Variants in FLYWCH1 observed in about 807,000 individuals in gnomAD.
FLYWCH1 encodes the protein FLYWCH-type zinc finger-containing protein 1.
Under a neutral mutation model 66.4 loss-of-function variants are expected in FLYWCH1, and 75 were observed. The observed-to-expected ratio is 1.13, with a 90% CI of 0.94 to 1.37. The LOEUF (loss-of-function observed/expected upper bound fraction) is 1.37. Ranked by LOEUF, FLYWCH1 falls within the 40% of genes most tolerant of loss-of-function variation. The pLI is 0.00. For missense variants in FLYWCH1, 1,334 were observed against 1,001.8 expected (o/e 1.33, Z -4.48); for synonymous variants, 595 against 429.9 (o/e 1.38, Z -4.75).
At chr16:2,945,772 C>T (rs1049394654) in intron 9 of FLYWCH1, among the ~76,000 whole-genome samples, 9 of 152,018 alleles carry the variant, frequency 5.9e-5, no homozygotes, top group East Asian at 3.9e-4. Flanking sequence ...CCAAGGTGGG[C>T]AGATCATGAG....
intron 5 of FLYWCH1, 59 bp downstream of exon 5, chr16:2,933,641 C>T: frequency 1.3e-6 from 2 of 1,562,522 alleles, no homozygotes; most frequent in East Asian, 2.3e-5. Flanking sequence ...TCCAGAGGTC[C>T]AGGGAGGGAA....
chr16:2,912,855 TA>T, intron 1 of FLYWCH1, among the ~76,000 whole-genome samples: 1 of 152,344 alleles, frequency 6.6e-6, no homozygotes, highest in South Asian at 2.1e-4. Context: ...TGAACTCCCA[TA>T]GTCAGATAAT....
chr16:2,945,764 A>T (rs369579923), intron 9 of FLYWCH1, among the ~76,000 whole-genome samples: 1 of 152,042 alleles, frequency 6.6e-6, no homozygotes, highest in South Asian at 2.1e-4. Flanking sequence ...TTGGGAGGCC[A>T]AGGTGGGCAG....
intron 2 of FLYWCH1, among the ~76,000 whole-genome samples, chr16:2,923,396 GC>G (rs531287052): frequency 2.6e-5 from 4 of 152,236 alleles, no homozygotes; most frequent in African/African-American, 9.6e-5. Flanking sequence ...ACAGGCGTCC[GC>G]CACCACGCCC....
rs1464189249 is a variant in FLYWCH1, at chr16:2,936,995, G to T, written c.1514-126G>T. On this transcript the variant is annotated intron_variant, in intron 6 of 9. Coordinates refer to ENST00000253928, the MANE Select transcript of FLYWCH1 (RefSeq NM_001308068.2). ...GGGGGGATGGTGGCATCTGTGTCCT[G>T]GGCTCCGGGGCCACCTCACTGTGAG... 9 of 918,920 alleles carry T rather than the reference G, an allele frequency of 9.8e-6. No individual in the cohort carries two copies. In the African/African-American group the frequency reaches 1.8e-4, roughly 18 times the overall value. The allele number at this position is 918,920 out of a possible 1,614,324, so 56.9% of individuals were successfully genotyped here.
intron 6 of FLYWCH1, chr16:2,934,627 C>T (rs866408483): frequency 2.2e-6 from 1 of 456,930 alleles, no homozygotes; most frequent in South Asian, 1.5e-5. Flanking sequence ...GCTGGCCTCT[C>T]TTTCCAGTGG....
chr16:2,929,763 G>C lies in FLYWCH1; in HGVS notation c.78G>C (p.Thr26=), dbSNP rs376488136. 1.2e-6 allele frequency: 2 copies of C among 1,613,738 alleles called. No individual in the cohort carries two copies. The highest frequency in any genetic ancestry group is 1.3e-5 in the African/African-American group (1 of 74,918). The change falls in exon 3 of 10, where the codon ACG becomes ACC. Residue 26 remains threonine (T), a synonymous_variant. Transcript: ENST00000253928. ...AGGAGCCATCCCCCAAGCCAGGCACGGACGTCATCCCGGCAGCCCCCAGGA... is the reference window on the plus strand; with the variant it reads ...AGGAGCCATCCCCCAAGCCAGGCACCGACGTCATCCCGGCAGCCCCCAGGA... ...AGQEPSPKPG[T]DVIPAAPRKP...
In FLYWCH1 at chr16:2,933,525, G is replaced by C. The variant is rs2150963727; in HGVS notation, c.1192G>C (p.Glu398Gln). The change falls in exon 5 of 10, where the codon GAG becomes CAG. Residue 398 changes from glutamate (E) to glutamine (Q), a missense_variant. Coordinates refer to ENST00000253928, the MANE Select transcript of FLYWCH1 (RefSeq NM_001308068.2). ...PRKRAKVEDQ[E>Q]LPTQPEAPDE... ...AAAGCGAGCAAAGGTCGAAGACCAGGAGCTGCCAACCCAGCCCGAGGCCCC... is the reference window on the plus strand; with the variant it reads ...AAAGCGAGCAAAGGTCGAAGACCAGCAGCTGCCAACCCAGCCCGAGGCCCC... 1 of 1,611,606 alleles carries C rather than the reference G, an allele frequency of 6.2e-7. No individual in the cohort carries two copies. The highest frequency in any genetic ancestry group is 8.5e-7 in the Non-Finnish European group (1 of 1,178,978).
At chr16:2,936,895 C>T (rs963927814) in intron 6 of FLYWCH1, 10 of 664,026 alleles carry the variant, frequency 1.5e-5, no homozygotes, top group Non-Finnish European at 2.4e-5. Context: ...GCTTGGCCGC[C>T]ACCTGCAGGG....
chr16:2,942,130 T>C (rs1361017730), intron 9 of FLYWCH1, among the ~76,000 whole-genome samples: 2 of 150,204 alleles, frequency 1.3e-5, no homozygotes, highest in South Asian at 2.1e-4. Context: ...ATCAAAAAAA[T>C]TGAAAAGCAA....
rs1423007582 is a variant in FLYWCH1, at chr16:2,929,902, C to G, written c.217C>G (p.Pro73Ala). The G allele has an allele frequency of 5.0e-6, 8 of 1,613,624 alleles. No homozygotes were observed. Among genetic ancestry groups the G allele is most frequent in the African/African-American group, 1.3e-5 (1 of 74,912 alleles). The change falls in exon 3 of 10, where the codon CCC (proline) becomes GCC (alanine). Residue 73 changes from proline to alanine, a missense_variant. Transcript: ENST00000253928. ...HCVLSLEMAG[P>A]ATLASTLQIL... is the part of the protein sequence containing the mutation. ...CGTCCTGTCCCTGGAGATGGCTGGC[C>G]CCGCCACCCTCGCCAGCACCTTGCA...
rs2151038321 is a variant in FLYWCH1 at position 2,948,767 on chromosome 16, G to GCAC, written c.*40_*41insCAC. 6.2e-7 allele frequency: 1 copy of GCAC among 1,607,054 alleles called. No homozygotes were observed. The highest frequency in any genetic ancestry group is 2.2e-5 in the East Asian group (1 of 44,874). On this transcript the variant is annotated 3_prime_UTR_variant, in exon 10 of 10. Transcript: ENST00000253928. ...AGGAGCTCCGAGCCGCCCACCCAAGGTGGCTTCACATCCACACAGGCACTT... is the reference window on the plus strand; with the variant it reads ...AGGAGCTCCGAGCCGCCCACCCAAGGCACTGGCTTCACATCCACACAGGCACTT...
chr16:2,932,064 G>A (rs1232990992), intron 4 of FLYWCH1, among the ~76,000 whole-genome samples: 1 of 142,668 alleles, frequency 7.0e-6, no homozygotes, highest in Admixed American at 7.5e-5. Flanking sequence ...CTTGCCGTGG[G>A]CCAAGATCGT....
chr16:2,937,519 G>A, intron 7 of FLYWCH1, 135 bp downstream of exon 7: 1 of 1,093,780 alleles, frequency 9.1e-7, no homozygotes. Flanking sequence ...AACTCCCCAG[G>A]GGCAGGAGGC....
At chr16:2,924,927 GCT>G (rs1351495741) in intron 2 of FLYWCH1, among the ~76,000 whole-genome samples, 3 of 152,216 alleles carry the variant, frequency 2.0e-5, no homozygotes, top group African/African-American at 7.2e-5. Flanking sequence ...AGAGGACTGC[GCT>G]CTCTCCTGTC....
intron 4 of FLYWCH1, among the ~76,000 whole-genome samples, chr16:2,932,766 C>A (rs2070812931): frequency 6.6e-6 from 1 of 152,138 alleles, no homozygotes; most frequent in Non-Finnish European, 1.5e-5. Flanking sequence ...ACCACTGAGT[C>A]TGAGTCCAGG....
intron 9 of FLYWCH1, among the ~76,000 whole-genome samples, chr16:2,947,217 T>C (rs1239143273): frequency 6.6e-6 from 1 of 152,150 alleles, no homozygotes; most frequent in Non-Finnish European, 1.5e-5. Context: ...AAGAAGCCAG[T>C]CACAAAGCAC....
intron 2 of FLYWCH1, among the ~76,000 whole-genome samples, chr16:2,924,492 G>A (rs773083527): frequency 2.6e-5 from 4 of 152,222 alleles, no homozygotes; most frequent in Non-Finnish European, 5.9e-5. Context: ...CTTCATGTCT[G>A]CAGGCATCTA....
chr16:2,950,888 T>C lies in FLYWCH1; in HGVS notation c.*2161T>C, dbSNP rs2071646384. Reference sequence around the variant, plus strand: ...CACCAACCCGCACCCTGGTGGCCACTCAGCCATGACAAGGGCCTGACAGCC... The same window carrying C: ...CACCAACCCGCACCCTGGTGGCCACCCAGCCATGACAAGGGCCTGACAGCC... On this transcript the variant is annotated 3_prime_UTR_variant, in exon 10 of 10. Coordinates refer to ENST00000253928, the MANE Select transcript of FLYWCH1 (RefSeq NM_001308068.2). The C allele has an allele frequency of 6.6e-6, 1 of 152,264 alleles. No homozygotes were observed. The highest frequency in any genetic ancestry group is 2.4e-5 in the African/African-American group (1 of 41,464). 9.4% of individuals were successfully genotyped at this position (152,264 alleles called of 1,614,324 possible).
Sources: gnomAD v4.1 joint callset for allele counts (sites outside exome capture counted in the v4.1 genomes callset) on GRCh38, gnomAD v4.1.1 for gene constraint, MANE v1.5 for transcripts, NCBI Gene and HGNC (gene_info 2026-07-23, HGNC 2026-07-21) for gene names.